ARHGEF15: variants seen among roughly 807,000 people sequenced by gnomAD.
ARHGEF15 encodes the protein Rho guanine nucleotide exchange factor 15.
In ARHGEF15, 58 loss-of-function variants were observed where a neutral mutation model predicts 79.7. The ratio of observed to expected loss-of-function variants is 0.73; its 90% CI spans 0.59 to 0.91. The LOEUF (loss-of-function observed/expected upper bound fraction) is 0.91. Ranked by LOEUF, ARHGEF15 falls within the 40% of genes least tolerant of loss-of-function variation. The pLI is 0.00. For synonymous variants in ARHGEF15, 442 were observed against 456.0 expected (o/e 0.97, Z 0.39); for missense variants, 1,012 against 1,108.1 (o/e 0.91, Z 1.23).
chr17:8,315,819 G>A lies in ARHGEF15; in HGVS notation c.1486G>A (p.Val496Met), dbSNP rs761208725. 6.8e-6 allele frequency: 11 copies of A among 1,613,246 alleles called. No homozygotes were observed. Among genetic ancestry groups the A allele is most frequent in the Non-Finnish European group, 9.3e-6 (11 of 1,180,004 alleles). ...SPHISDLCDVVHAHAVGPFSV... is the reference protein window; with the variant it reads ...SPHISDLCDVMHAHAVGPFSV... ...CCACATCAGCGACTTGTGTGATGTG[G>A]TGCATGCCCACGCTGTGGGGCCTTT... Residue 496 changes from valine (V) to methionine (M), a missense_variant, in exon 8 of 16, where the codon GTG becomes ATG. Physicochemically the swap from Val to Met is conservative, Grantham distance 21. Around this residue, in one of 3 missense-constraint regions of ARHGEF15, gnomAD observed 818 missense variants for 882.5 expected, o/e 0.93. Coordinates refer to ENST00000361926, the MANE Select transcript of ARHGEF15 (RefSeq NM_173728.4). This position sits in a 1 kb window ranked among gnomAD's most constrained non-coding sequence, Gnocchi z 4.3.
At position 8,315,979 on chromosome 17, in the gene ARHGEF15, AG is replaced by A. The variant is rs773548186; in HGVS notation, c.1575-37del. 12 of 1,598,494 alleles carry A rather than the reference AG, an allele frequency of 7.5e-6. No homozygotes were observed. Among genetic ancestry groups the A allele is most frequent in the Middle Eastern group, 3.3e-4 (2 of 6,060 alleles). On this transcript the variant is annotated intron_variant, in intron 8 of 15. Transcript: ENST00000361926. The surrounding 1 kb of genome is among the most constrained non-coding windows in gnomAD (Gnocchi z 4.3). The stretch of plus-strand genomic sequence containing the variant: ...CGAGGCCACAGCAGGTTGGGGCACC[AG>A]GGCCTCCAGGCAGCCGCTAGCCATG...
At position 8,320,776 on chromosome 17, in the gene ARHGEF15, C is replaced by T. The variant is rs1003081547; in HGVS notation, c.2375-66C>T. 12 of 1,496,560 alleles carry T rather than the reference C, an allele frequency of 8.0e-6. 1 individual carries two copies. Among genetic ancestry groups the T allele is most frequent in the Middle Eastern group, 2.4e-4 (1 of 4,216 alleles). 92.7% of individuals were successfully genotyped at this position (1,496,560 alleles called of 1,614,324 possible). A position where few individuals can be genotyped will look rare whatever the true frequency, so the allele number is the denominator to read the frequency against. On this transcript the variant is annotated intron_variant, in intron 15 of 15. Transcript: ENST00000361926. ...CCTGAAGGCCTGAGACCCCACGAGGCCCCCTTTGCCTCCTCACCTGCTCCC... is the reference window on the plus strand; with the variant it reads ...CCTGAAGGCCTGAGACCCCACGAGGTCCCCTTTGCCTCCTCACCTGCTCCC...
chr17:8,313,294 G>A (rs772833940), intron 3 of ARHGEF15, 40 bp downstream of exon 3: 110 of 1,582,708 alleles, frequency 7.0e-5, no homozygotes, highest in Non-Finnish European at 8.7e-5. Context: ...GCTGTGAGGG[G>A]ACAGGAGAGA....
In ARHGEF15 at chr17:8,318,680, C is replaced by T. The variant is rs780268568; in HGVS notation, c.1872+18C>T. 3.7e-6 allele frequency: 6 copies of T among 1,610,726 alleles called. No homozygotes were observed. The South Asian group carries it at 4.4e-5, about 12-fold the overall frequency. The stretch of plus-strand genomic sequence containing the variant: ...AAGTCAAGGTACATCGCTGCCCAGG[C>T]TCCCCATCTTGCCCTGCCCCATGTT... On this transcript the variant is annotated intron_variant, in intron 11 of 15. Coordinates refer to ENST00000361926, the MANE Select transcript of ARHGEF15 (RefSeq NM_173728.4). This position sits in a 1 kb window ranked among gnomAD's most constrained non-coding sequence, Gnocchi z 5.0.
At position 8,312,232 on chromosome 17, in the gene ARHGEF15, C is replaced by A. The variant is rs781120709; in HGVS notation, c.193C>A (p.Pro65Thr). The change falls in exon 2 of 16, where the codon CCC (proline) becomes ACC (threonine). Residue 65 changes from proline (P) to threonine (T), a missense_variant. Coordinates refer to ENST00000361926, the MANE Select transcript of ARHGEF15 (RefSeq NM_173728.4). ...AATGTGCACCCCCATCTTCTGGGAG[C>A]CCCCAGCTGCATCCCTCAAGCCCCC... The part of the protein sequence containing the change: ...TPMCTPIFWE[P>T]PAASLKPPAL... 11 of 1,453,224 alleles carry A rather than the reference C, an allele frequency of 7.6e-6. No homozygotes were observed. The Admixed American group carries it at 2.1e-4, about 28-fold the overall frequency. The allele number at this position is 1,453,224 out of a possible 1,614,324, so 90.0% of individuals were successfully genotyped here. A position where few individuals can be genotyped will look rare whatever the true frequency, so the allele number is the denominator to read the frequency against.
At chr17:8,317,836 G>A (rs1036392569) in intron 9 of ARHGEF15, among the ~76,000 whole-genome samples, 1 of 152,166 alleles carries the variant, frequency 6.6e-6, no homozygotes, top group Non-Finnish European at 1.5e-5. Flanking sequence ...GGAGGCCGAG[G>A]CGGGTGGATC....
intron 9 of ARHGEF15, among the ~76,000 whole-genome samples, chr17:8,316,843 C>T (rs762262874): frequency 1.3e-5 from 2 of 152,302 alleles, no homozygotes; most frequent in South Asian, 2.1e-4. Flanking sequence ...AGTACAGTGG[C>T]GCAATATCGG....
chr17:8,314,776 A>G (rs986333212), intron 4 of ARHGEF15, 130 bp from the exon 5 acceptor site: 4 of 447,458 alleles, frequency 8.9e-6, no homozygotes, highest in South Asian at 2.9e-5. Context: ...CTGAGGTTTG[A>G]TTTGGGGAGC....
intron 9 of ARHGEF15, among the ~76,000 whole-genome samples, chr17:8,317,593 G>A (rs566694156): frequency 3.5e-4 from 53 of 152,292 alleles, no homozygotes; most frequent in African/African-American, 1.2e-3. Flanking sequence ...CTGCAACTAT[G>A]TGAGGGTAGG....
At chr17:8,316,186 C>G in intron 9 of ARHGEF15, 38 bp downstream of exon 9, 1 of 1,591,452 alleles carries the variant, frequency 6.3e-7, no homozygotes, top group Non-Finnish European at 8.5e-7. Context: ...GCCCCACCAA[C>G]CCCATCGGAG....
intron 2 of ARHGEF15, 78 bp from the exon 3 acceptor site, chr17:8,312,844 G>A (rs1260845319): frequency 9.6e-6 from 15 of 1,565,580 alleles, no homozygotes; most frequent in South Asian, 2.3e-5. Flanking sequence ...TGCTGGGCAG[G>A]TTAAAGATGG....
rs1222652387 is a variant in ARHGEF15, at chr17:8,312,631, G to A, written c.592G>A (p.Gly198Ser). 1.2e-6 allele frequency: 2 copies of A among 1,613,288 alleles called. No individual in the cohort carries two copies. Among genetic ancestry groups the A allele is most frequent in the Non-Finnish European group, 1.7e-6 (2 of 1,179,990 alleles). Residue 198 changes from glycine (G) to serine (S), a missense_variant, in exon 2 of 16, where the codon GGT becomes AGT. Transcript: ENST00000361926. ...CACCGGGAGTGGGTCCCAGGAGAAC[G>A]GTGCTCCAGGTGAGTGTGGCGGGTG... is the stretch of plus-strand genomic sequence containing the variant. Reference protein sequence around the residue: ...PLTGSGSQENGAPDAGLACPP... With the variant: ...PLTGSGSQENSAPDAGLACPP...
Position 8,315,042 on chromosome 17 carries a change from T to G in ARHGEF15, c.1049-24T>G, listed in dbSNP as rs1567676259. 1 of 1,613,402 alleles carries G rather than the reference T, an allele frequency of 6.2e-7. No homozygotes were observed. Among genetic ancestry groups the G allele is most frequent in the Non-Finnish European group, 8.5e-7 (1 of 1,179,618 alleles). ...AGGGTTTGGGAGCCCTGGGCTTCCC[T>G]GAAGTGCTATGTTTGCCCTCTAGAA... On this transcript the variant is annotated intron_variant, in intron 5 of 15. Transcript: ENST00000361926. This position sits in a 1 kb window ranked among gnomAD's most constrained non-coding sequence, Gnocchi z 4.3.
chr17:8,314,747 A>G, intron 4 of ARHGEF15, 159 bp from the exon 5 acceptor site: 1 of 632,994 alleles, frequency 1.6e-6, no homozygotes, highest in Non-Finnish European at 2.4e-6. Flanking sequence ...CCCTTCAAAA[A>G]AAAAAAAAAA....
rs1385700777 is a variant in ARHGEF15 at position 8,321,802 on chromosome 17, G to A, written c.*809G>A. On this transcript the variant is annotated 3_prime_UTR_variant, in exon 16 of 16. Coordinates refer to ENST00000361926, the MANE Select transcript of ARHGEF15 (RefSeq NM_173728.4). The stretch of plus-strand genomic sequence containing the variant: ...GTGGCTTGGCACCCAGGGGATGAGA[G>A]CCCTGAGCTTTGGGTCTCTTGGAGG... 1.3e-5 allele frequency: 2 copies of A among 152,282 alleles called. No individual in the cohort carries two copies. Among genetic ancestry groups the A allele is most frequent in the Middle Eastern group, 6.8e-3 (2 of 294 alleles). The allele number at this position is 152,282 out of a possible 1,614,324, so 9.4% of individuals were successfully genotyped here.
At chr17:8,316,771 T>TTCC (rs1171266003) in intron 9 of ARHGEF15, among the ~76,000 whole-genome samples, 6 of 152,080 alleles carry the variant, frequency 3.9e-5, no homozygotes, top group Admixed American at 3.9e-4. Context: ...AGACACTTTC[T>TTCC]TCCTCCTCCT....
Position 8,315,770 on chromosome 17 carries a change from C to G in ARHGEF15, c.1437C>G (p.Leu479=). The change falls in exon 8 of 16, where the codon CTC becomes CTG. Residue 479 remains leucine, a synonymous_variant. Coordinates refer to ENST00000361926, the MANE Select transcript of ARHGEF15 (RefSeq NM_173728.4). This position sits in a 1 kb window ranked among gnomAD's most constrained non-coding sequence, Gnocchi z 4.3. ...ATTCCTTCAGGTTTCTAGCAACGCT[C>G]CTGTCCCGTGTGCGCTCTTCCCCCC... ...QGVSERFLAT[L]LSRVRSSPHI... The G allele has an allele frequency of 6.2e-7, 1 of 1,613,214 alleles. No individual in the cohort carries two copies. Among genetic ancestry groups the G allele is most frequent in the Non-Finnish European group, 8.5e-7 (1 of 1,179,860 alleles).
rs200647100 is a variant in ARHGEF15 at position 8,318,827 on chromosome 17, C to T, written c.1950C>T (p.Gly650=). ...CTGAGTTAGGGTGCCGGAGGGGGGG[C>T]GTGCTCTTTGCCTCGCGCCCCCGCT... ...ELTELGCRRG[G]VLFASRPRFT... The change falls in exon 12 of 16, where the codon GGC becomes GGT. Residue 650 remains glycine, a synonymous_variant. Coordinates refer to ENST00000361926, the MANE Select transcript of ARHGEF15 (RefSeq NM_173728.4). This position sits in a 1 kb window ranked among gnomAD's most constrained non-coding sequence, Gnocchi z 5.0. 4.3e-5 allele frequency: 70 copies of T among 1,613,588 alleles called. No individual in the cohort carries two copies. In the African/African-American group the frequency reaches 7.6e-4, roughly 18 times the overall value.
Position 8,313,243 on chromosome 17 carries a change from G to A in ARHGEF15, c.923G>A (p.Gly308Glu), listed in dbSNP as rs746143138. Reference sequence around the variant, plus strand: ...GATCTTGATCTGCTTTCTGAAGATGGAATCCAAACAGGTGCAGGGCCTGGG... The same window carrying A: ...GATCTTGATCTGCTTTCTGAAGATGAAATCCAAACAGGTGCAGGGCCTGGG... ...QPDLDLLSED[G>E]IQTGDSPDEA... is the part of the protein sequence containing the mutation. The change falls in exon 3 of 16, where the codon GGA becomes GAA. Residue 308 changes from glycine to glutamate, a missense_variant. Gly to Glu is a moderately conservative substitution (Grantham distance 98). Around this residue, in one of 3 missense-constraint regions of ARHGEF15, gnomAD observed 818 missense variants for 882.5 expected, o/e 0.93. Coordinates refer to ENST00000361926, the MANE Select transcript of ARHGEF15 (RefSeq NM_173728.4). The A allele has an allele frequency of 1.2e-6, 2 of 1,604,632 alleles. No individual in the cohort carries two copies. The highest frequency in any genetic ancestry group is 1.7e-6 in the Non-Finnish European group (2 of 1,179,832).
Sources: allele counts gnomAD v4.1 joint callset (sites outside exome capture counted in the v4.1 genomes callset), GRCh38; gene constraint gnomAD v4.1.1; regional missense constraint gnomAD v4.1.1; non-coding constraint Gnocchi (gnomAD v3.1); transcripts MANE v1.5; gene names NCBI Gene and HGNC (gene_info 2026-07-23, HGNC 2026-07-21).